The following ZNF623 variants were observed in gnomAD, a reference collection of about 807,000 sequenced individuals.
ZNF623 encodes the protein zinc finger protein 623.
Under a neutral mutation model 24.0 loss-of-function variants are expected in ZNF623, and 16 were observed. The observed-to-expected ratio is 0.67, with a 90% CI of 0.45 to 1.01. The LOEUF is 1.01. Ranked by LOEUF, ZNF623 falls within the 50% of genes least tolerant of loss-of-function variation. The pLI is 0.00. For missense variants in ZNF623, 566 were observed against 606.5 expected (o/e 0.93, Z 0.70); for synonymous variants, 224 against 219.8 (o/e 1.02, Z -0.17).
At chr8:143,644,475 G>A (rs1007436084) in intron 1 of ZNF623, among the ~76,000 whole-genome samples, 10 of 152,090 alleles carry the variant, frequency 6.6e-5, no homozygotes, top group East Asian at 1.9e-4. Flanking sequence ...GCAGTGGCCC[G>A]GCTCCCACTG....
chr8:143,645,426 C>G (rs1376381962), intron 1 of ZNF623, among the ~76,000 whole-genome samples: 1 of 77,728 alleles, frequency 1.3e-5, no homozygotes, highest in Non-Finnish European at 4.0e-5. Context: ...ATCGAGACTC[C>G]ATCTCAAAAA....
chr8:143,637,699 G>C (rs920977384), intron 1 of ZNF623, among the ~76,000 whole-genome samples: 1 of 152,062 alleles, frequency 6.6e-6, no homozygotes, highest in African/African-American at 2.4e-5. Flanking sequence ...ACAGGCACAC[G>C]GCACCACGTC....
In ZNF623 at chr8:143,652,465, T is replaced by A. The variant is rs1329513945; in HGVS notation, c.*982T>A. On this transcript the variant is annotated 3_prime_UTR_variant, in exon 2 of 2. Coordinates refer to ENST00000526926, the MANE Select transcript of ZNF623 (RefSeq NM_001261843.2). ...GCTGTTGGCTGTTTTTTTTGTTGTT[T>A]GTTCATTTTGTATCAGTATAATCTA... 6.0e-6 allele frequency: 1 copy of A among 167,122 alleles called. No homozygotes were observed. Among genetic ancestry groups the A allele is most frequent in the African/African-American group, 2.4e-5 (1 of 41,462 alleles). The allele number at this position is 167,122 out of a possible 1,614,324, so 10.4% of individuals were successfully genotyped here.
At chr8:143,646,538 G>GGTATGTGCGTGTGTGT (rs879847250) in intron 1 of ZNF623, among the ~76,000 whole-genome samples, 1 of 122,918 alleles carries the variant, frequency 8.1e-6, no homozygotes, top group African/African-American at 3.6e-5. Flanking sequence ...TTGCCTGTGG[G>GGTATGTGCGTGTGTGT]GTGTGTGCGT....
intron 1 of ZNF623, among the ~76,000 whole-genome samples, chr8:143,637,140 C>T (rs917468239): frequency 2.6e-5 from 4 of 152,226 alleles, no homozygotes; most frequent in African/African-American, 7.2e-5. Flanking sequence ...TCTGACCTTA[C>T]GCTTCTTACC....
At chr8:143,640,040 C>T (rs1346601256) in intron 1 of ZNF623, among the ~76,000 whole-genome samples, 1 of 152,206 alleles carries the variant, frequency 6.6e-6, no homozygotes, top group Non-Finnish European at 1.5e-5. Flanking sequence ...ACATTGGCTA[C>T]CCAAGTGTCC....
rs143824656 is a variant in ZNF623, at chr8:143,636,829, C to T, written c.-96+684C>T. 4.8e-3 allele frequency among the ~76,000 whole-genome samples: 731 copies of T among 152,326 alleles called. 6 individuals carry two copies. The highest frequency in any genetic ancestry group is 7.9e-3 in the Non-Finnish European group (540 of 68,022). On this transcript the variant is annotated intron_variant, in intron 1 of 1. Coordinates refer to ENST00000526926, the MANE Select transcript of ZNF623 (RefSeq NM_001261843.2). ...TTCGCGTCTTTAAGAATCCCAGTGG[C>T]GTTCTCTGTGCTTCTGTCAAGGCTG...
chr8:143,648,582 C>A (rs1014013387), intron 1 of ZNF623, among the ~76,000 whole-genome samples: 1 of 151,936 alleles, frequency 6.6e-6, no homozygotes, highest in African/African-American at 2.4e-5. Flanking sequence ...CTTCTTCATG[C>A]TGAGGGGAGT....
At chr8:143,638,373 AAAAATTATG>A (rs1488180422) in intron 1 of ZNF623, among the ~76,000 whole-genome samples, 1 of 151,772 alleles carries the variant, frequency 6.6e-6, no homozygotes, top group Non-Finnish European at 1.5e-5. Context: ...CAAAAGTTAA[AAAAATTATG>A]AAAATTATTA....
chr8:143,646,939 T>G (rs1051514432), intron 1 of ZNF623, among the ~76,000 whole-genome samples: 1 of 152,178 alleles, frequency 6.6e-6, no homozygotes, highest in African/African-American at 2.4e-5. Context: ...GTCTTAGGAT[T>G]ACAGGAGTGA....
chr8:143,642,360 CT>C lies in ZNF623; in HGVS notation c.-96+6216del, dbSNP rs1301892887. ...CAGCTTTGGTTGCCAGTCACACCAG[CT>C]GTCGGGCAAAGTTGTTGTTTTAATC... On this transcript the variant is annotated intron_variant, in intron 1 of 1. Transcript: ENST00000526926. 8.5e-5 allele frequency among the ~76,000 whole-genome samples: 13 copies of C among 152,202 alleles called. 1 individual carries two copies. The highest frequency in any genetic ancestry group is 4.6e-4 in the Admixed American group (7 of 15,268).
rs1815251028 is a variant in ZNF623, at chr8:143,649,760, G to T, written c.-95-138G>T. On this transcript the variant is annotated intron_variant, in intron 1 of 1. Transcript: ENST00000526926. ...CTTGGGTGTGAGACCAGAGCTGTGG[G>T]TAGCAGCATGTTGGGTCAGGATGAG... 9 of 1,072,334 alleles carry T rather than the reference G, an allele frequency of 8.4e-6. No individual in the cohort carries two copies. In the South Asian group the frequency reaches 1.5e-4, roughly 17 times the overall value. The allele number at this position is 1,072,334 out of a possible 1,614,324, so 66.4% of individuals were successfully genotyped here.
chr8:143,650,259 C>G lies in ZNF623; in HGVS notation c.267C>G (p.Gly89=). 1 of 1,614,226 alleles carries G rather than the reference C, an allele frequency of 6.2e-7. No homozygotes were observed. ...AAGCCAATCCTTGCGATATCTGTGG[C>G]AAAACCTTCACGTTTAATTCGGACC... is the stretch of plus-strand genomic sequence containing the variant. ...EGEANPCDIC[G]KTFTFNSDLV... is the part of the protein sequence containing the mutation. Residue 89 remains glycine (G), a synonymous_variant, in exon 2 of 2, where the codon GGC becomes GGG. Coordinates refer to ENST00000526926, the MANE Select transcript of ZNF623 (RefSeq NM_001261843.2). This position sits in a 1 kb window ranked among gnomAD's most constrained non-coding sequence, Gnocchi z 5.2.
rs1057189918 is a variant in ZNF623 at position 143,652,084 on chromosome 8, C to A, written c.*601C>A. Reference sequence around the variant, plus strand: ...TCCACGTGGCTTCCTACCTCTCTCGCCTTTGTTCTTGTTGAAGGGTCTCTT... The same window carrying A: ...TCCACGTGGCTTCCTACCTCTCTCGACTTTGTTCTTGTTGAAGGGTCTCTT... On this transcript the variant is annotated 3_prime_UTR_variant, in exon 2 of 2. Coordinates refer to ENST00000526926, the MANE Select transcript of ZNF623 (RefSeq NM_001261843.2). 1 of 163,646 alleles carries A rather than the reference C, an allele frequency of 6.1e-6. No homozygotes were observed. The highest frequency in any genetic ancestry group is 2.6e-5 in the African/African-American group (1 of 37,744). 10.1% of individuals were successfully genotyped at this position (163,646 alleles called of 1,614,324 possible). A position where few individuals can be genotyped will look rare whatever the true frequency, so the allele number is the denominator to read the frequency against.
intron 1 of ZNF623, among the ~76,000 whole-genome samples, chr8:143,641,173 C>G (rs931080236): frequency 6.6e-6 from 1 of 152,190 alleles, no homozygotes; most frequent in Admixed American, 6.5e-5. Context: ...TTTTGACCTC[C>G]TCCCATAAAT....
At chr8:143,641,830 C>G (rs180996796) in intron 1 of ZNF623, among the ~76,000 whole-genome samples, 3 of 152,330 alleles carry the variant, frequency 2.0e-5, no homozygotes, top group African/African-American at 7.2e-5. Context: ...GCTTAAAATA[C>G]TCCATAAACC....
At chr8:143,636,169 G>A (rs1374420249) in intron 1 of ZNF623, 24 bp downstream of exon 1, 1 of 152,072 alleles carries the variant, frequency 6.6e-6, no homozygotes, top group African/African-American at 2.4e-5. Flanking sequence ...TCCGGACGGG[G>A]GCGGGCAACG....
At chr8:143,644,589 G>A (rs773419985) in intron 1 of ZNF623, among the ~76,000 whole-genome samples, 12 of 152,024 alleles carry the variant, frequency 7.9e-5, no homozygotes, top group Non-Finnish European at 5.9e-5. Flanking sequence ...GAATATATAT[G>A]GAAATTAAGC....
intron 1 of ZNF623, among the ~76,000 whole-genome samples, chr8:143,645,603 C>T (rs780925940): frequency 2.0e-5 from 3 of 152,100 alleles, no homozygotes; most frequent in Non-Finnish European, 4.4e-5. Flanking sequence ...TTCGTTATAA[C>T]ATCTATGAGG....
Sources: gnomAD v4.1 joint callset for allele counts (sites outside exome capture counted in the v4.1 genomes callset) on GRCh38, gnomAD v4.1.1 for gene constraint, Gnocchi (gnomAD v3.1) non-coding constraint, MANE v1.5 for transcripts, NCBI Gene and HGNC (gene_info 2026-07-23, HGNC 2026-07-21) for gene names.